Variants in ZDHHC2 observed in about 807,000 individuals in gnomAD.
ZDHHC2 encodes the protein zDHHC palmitoyltransferase 2.
Under a neutral mutation model 55.6 loss-of-function variants are expected in ZDHHC2, and 51 were observed. The observed-to-expected ratio is 0.92, with a 90% CI of 0.73 to 1.16. The LOEUF (loss-of-function observed/expected upper bound fraction) is 1.16. Among genes scored for constraint, ZDHHC2 ranks in the 50% most tolerant of loss-of-function variants. The pLI is 0.00. For missense variants in ZDHHC2, 491 were observed against 442.4 expected, an observed-to-expected ratio of 1.11 and a Z score of -0.99; for synonymous variants, 199 against 152.9, an observed-to-expected ratio of 1.30 and a Z score of -2.22.
chr8:17,204,316 A>G (rs986922918), intron 6 of ZDHHC2, among the ~76,000 whole-genome samples: 7 of 152,214 alleles, frequency 4.6e-5, no homozygotes, highest in African/African-American at 1.7e-4. Flanking sequence ...GATGATTTTT[A>G]CCTACGTTAG....
chr8:17,156,765 C>G lies in ZDHHC2; in HGVS notation c.42C>G (p.Cys14Trp). 6.6e-7 allele frequency: 1 copy of G among 1,506,486 alleles called. No individual in the cohort carries two copies. The highest frequency in any genetic ancestry group is 8.9e-7 in the Non-Finnish European group (1 of 1,126,314). 93.3% of individuals were successfully genotyped at this position (1,506,486 alleles called of 1,614,324 possible). A position where few individuals can be genotyped will look rare whatever the true frequency, so the allele number is the denominator to read the frequency against. Reference sequence around the variant, plus strand: ...CGGGCAGCAGCGCCAGGCGGCGGTGCCGGCGGGTGCTGTACTGGATCCCGG... The same window carrying G: ...CGGGCAGCAGCGCCAGGCGGCGGTGGCGGCGGGTGCTGTACTGGATCCCGG... ...SGPGSSARRR[C>W]RRVLYWIPVV... is the part of the protein sequence containing the mutation. Residue 14 changes from cysteine to tryptophan, a missense_variant, in exon 1 of 13, where the codon TGC becomes TGG. Cys to Trp is a radical substitution (Grantham distance 215). Transcript: ENST00000262096.
At chr8:17,206,009 T>A (rs1807086205) in intron 7 of ZDHHC2, among the ~76,000 whole-genome samples, 1 of 152,194 alleles carries the variant, frequency 6.6e-6, no homozygotes, top group African/African-American at 2.4e-5. Flanking sequence ...GGCAAAAACA[T>A]TGAGTTGCCC....
At chr8:17,203,996 CAG>C (rs1038592735) in intron 6 of ZDHHC2, among the ~76,000 whole-genome samples, 1 of 151,788 alleles carries the variant, frequency 6.6e-6, no homozygotes, top group African/African-American at 2.4e-5. Flanking sequence ...TTAGTAGAGA[CAG>C]GGTTTCACCA....
chr8:17,162,054 C>T (rs755762477), intron 1 of ZDHHC2, among the ~76,000 whole-genome samples: 4 of 152,064 alleles, frequency 2.6e-5, no homozygotes, highest in East Asian at 3.9e-4. Flanking sequence ...ACTCTTGATC[C>T]GTGCTCCCAT....
chr8:17,190,913 C>T (rs1251786715), intron 3 of ZDHHC2, among the ~76,000 whole-genome samples: 4 of 149,656 alleles, frequency 2.7e-5, no homozygotes, highest in South Asian at 2.1e-4. Flanking sequence ...TGATTGTAGC[C>T]GCCCTATTGT....
intron 1 of ZDHHC2, 94 bp downstream of exon 1, chr8:17,156,947 GA>G (rs1804088062): frequency 2.4e-6 from 3 of 1,231,800 alleles, no homozygotes; most frequent in Non-Finnish European, 3.2e-6. Context: ...TCGCCCCCCG[GA>G]TGCGCCCCGG....
At chr8:17,215,632 C>G (rs1807611101) in intron 11 of ZDHHC2, among the ~76,000 whole-genome samples, 1 of 151,986 alleles carries the variant, frequency 6.6e-6, no homozygotes, top group South Asian at 2.1e-4. Flanking sequence ...GAAGTAAATT[C>G]AAAATATAAA....
At chr8:17,184,859 G>GA (rs769961002) in intron 2 of ZDHHC2, 44 bp downstream of exon 2, 32 of 1,470,524 alleles carry the variant, frequency 2.2e-5, no homozygotes, top group South Asian at 9.4e-5. Context: ...TAAATAGTTT[G>GA]AAAAAAAATT....
chr8:17,218,181 G>A (rs2959611), intron 12 of ZDHHC2, among the ~76,000 whole-genome samples: 147,653 of 152,312 alleles, frequency 0.97, 71,748 homozygotes, highest in East Asian at 1. Context: ...TGTTGCTACA[G>A]TAGGTCAGAC....
At chr8:17,179,833 C>T (rs1435452739) in intron 1 of ZDHHC2, among the ~76,000 whole-genome samples, 1 of 152,204 alleles carries the variant, frequency 6.6e-6, no homozygotes, top group Non-Finnish European at 1.5e-5. Context: ...GAAAGTGCTG[C>T]AGTTCCCACA....
intron 1 of ZDHHC2, among the ~76,000 whole-genome samples, chr8:17,169,379 G>A (rs1165042600): frequency 6.6e-6 from 1 of 152,042 alleles, no homozygotes; most frequent in Non-Finnish European, 1.5e-5. Context: ...CTGGTCATCG[G>A]GCATGCCCAG....
chr8:17,167,072 C>A (rs1388938782), intron 1 of ZDHHC2, among the ~76,000 whole-genome samples: 1 of 152,050 alleles, frequency 6.6e-6, no homozygotes, highest in African/African-American at 2.4e-5. Flanking sequence ...CTCTTATAGC[C>A]CTGGTATCTA....
intron 1 of ZDHHC2, among the ~76,000 whole-genome samples, chr8:17,183,971 C>T (rs572975136): frequency 6.6e-6 from 1 of 152,106 alleles, no homozygotes; most frequent in South Asian, 2.1e-4. Flanking sequence ...CATTCCAGCA[C>T]CAAGGCCTGA....
chr8:17,222,734 CACCTACATTATCTGTCTATAAGA>C lies in ZDHHC2; in HGVS notation c.*2515_*2537del. On this transcript the variant is annotated 3_prime_UTR_variant, in exon 13 of 13. Transcript: ENST00000262096. ...AATATACCCTAATAAAGTGGTTGATCACCTACATTATCTGTCTATAAGAAACTGCCTTTGCACTGACAATGTAA... is the reference window on the plus strand; with the variant it reads ...AATATACCCTAATAAAGTGGTTGATCAACTGCCTTTGCACTGACAATGTAA... 5.7e-4 allele frequency: 1 copy of C among 1,758 alleles called. No homozygotes were observed. Among genetic ancestry groups the C allele is most frequent in the Non-Finnish European group, 2.3e-3 (1 of 426 alleles). The allele number at this position is 1,758 out of a possible 1,614,324, so 0.1% of individuals were successfully genotyped here. A position where few individuals can be genotyped will look rare whatever the true frequency, so the allele number is the denominator to read the frequency against.
Position 17,221,380 on chromosome 8 carries a change from G to A in ZDHHC2, c.*1159G>A, listed in dbSNP as rs1217650183. On this transcript the variant is annotated 3_prime_UTR_variant, in exon 13 of 13. Transcript: ENST00000262096. The stretch of plus-strand genomic sequence containing the variant: ...TATAATAAGCTCTTGTGCCTTGTAT[G>A]CACTATTTAAAAAAAGTTTTTTTTA... The A allele has an allele frequency of 2.6e-5, 4 of 152,344 alleles. No individual in the cohort carries two copies. Among genetic ancestry groups the A allele is most frequent in the Non-Finnish European group, 2.9e-5 (2 of 67,946 alleles). The allele number at this position is 152,344 out of a possible 1,614,324, so 9.4% of individuals were successfully genotyped here.
chr8:17,199,761 T>C (rs1806642407), intron 6 of ZDHHC2, among the ~76,000 whole-genome samples: 1 of 146,472 alleles, frequency 6.8e-6, no homozygotes, highest in South Asian at 2.1e-4. Flanking sequence ...TCTTTCTTCT[T>C]CTTTTTTTTT....
intron 3 of ZDHHC2, among the ~76,000 whole-genome samples, chr8:17,187,452 A>G (rs1410212237): frequency 6.6e-6 from 1 of 152,170 alleles, no homozygotes; most frequent in Non-Finnish European, 1.5e-5. Flanking sequence ...TACTGAAGTA[A>G]TCAGTTTGAA....
intron 6 of ZDHHC2, among the ~76,000 whole-genome samples, chr8:17,198,991 C>T (rs1806469970): frequency 6.9e-6 from 1 of 145,418 alleles, no homozygotes. Flanking sequence ...GTTAATTTTC[C>T]TTCCTTTTCC....
At chr8:17,198,537 G>A (rs1051660394) in intron 6 of ZDHHC2, 124 bp downstream of exon 6, 11 of 861,362 alleles carry the variant, frequency 1.3e-5, no homozygotes, top group Non-Finnish European at 1.8e-5. Flanking sequence ...AGGAACTTTT[G>A]GATTTAGTTT....
Sources: allele counts gnomAD v4.1 joint callset (sites outside exome capture counted in the v4.1 genomes callset), GRCh38; gene constraint gnomAD v4.1.1; transcripts MANE v1.5; gene names NCBI Gene and HGNC (gene_info 2026-07-23, HGNC 2026-07-21).